Variants in VPS39 observed in about 807,000 individuals in gnomAD.
The protein encoded by VPS39 is vam6/Vps39-like protein.
Under a neutral mutation model 121.0 loss-of-function variants are expected in VPS39, and 70 were observed. That is an observed-to-expected ratio of 0.58 (90% CI 0.48 to 0.71). The LOEUF (loss-of-function observed/expected upper bound fraction) is 0.71. VPS39 is among the 30% of genes least tolerant of loss of function. The pLI is 0.00. For synonymous variants in VPS39, 378 were observed against 398.1 expected, an observed-to-expected ratio of 0.95 and a Z score of 0.60; for missense variants, 818 against 1,051.5, an observed-to-expected ratio of 0.78 and a Z score of 3.07.
intron 1 of VPS39, among the ~76,000 whole-genome samples, chr15:42,205,348 T>C (rs1343037981): frequency 6.6e-6 from 1 of 152,114 alleles, no homozygotes; most frequent in Non-Finnish European, 1.5e-5. Flanking sequence ...CTCTTTTATA[T>C]AGGATACACA....
At chr15:42,204,385 C>T (rs2050126306) in intron 1 of VPS39, among the ~76,000 whole-genome samples, 1 of 152,226 alleles carries the variant, frequency 6.6e-6, no homozygotes. Context: ...CAAAGTGGCT[C>T]ACGCCTGTAA....
At chr15:42,165,466 TC>T in intron 17 of VPS39, 1 of 480,534 alleles carries the variant, frequency 2.1e-6, no homozygotes, top group Non-Finnish European at 3.7e-6. Flanking sequence ...GAATTTTTTT[TC>T]CAAATGTGGC....
chr15:42,176,838 A>G (rs765832520), intron 10 of VPS39, among the ~76,000 whole-genome samples: 46 of 152,136 alleles, frequency 3.0e-4, no homozygotes, highest in Admixed American at 6.6e-4. Flanking sequence ...TTTTATTACT[A>G]TTATCTTCAT....
intron 8 of VPS39, among the ~76,000 whole-genome samples, chr15:42,180,940 G>A (rs1452823330): frequency 6.6e-6 from 1 of 152,116 alleles, no homozygotes; most frequent in Non-Finnish European, 1.5e-5. Context: ...TGGTGCGGCC[G>A]CTATGGAAAA....
intron 8 of VPS39, among the ~76,000 whole-genome samples, chr15:42,179,823 T>C (rs1224235907): frequency 6.6e-6 from 1 of 152,082 alleles, no homozygotes; most frequent in African/African-American, 2.4e-5. Context: ...CCCCAACTTA[T>C]GCATTGGACA....
intron 12 of VPS39, among the ~76,000 whole-genome samples, chr15:42,169,130 TAAGG>T (rs1468193880): frequency 6.6e-6 from 1 of 152,246 alleles, no homozygotes; most frequent in Admixed American, 6.5e-5. Flanking sequence ...CATTTATTGA[TAAGG>T]AAGTACTTTC....
intron 2 of VPS39, among the ~76,000 whole-genome samples, chr15:42,192,787 G>T (rs912036899): frequency 1.3e-5 from 2 of 149,998 alleles, no homozygotes; most frequent in Non-Finnish European, 3.0e-5. Context: ...GTTTTGTTTT[G>T]TTTTTTTTTG....
chr15:42,179,569 C>T (rs575492676), intron 8 of VPS39, among the ~76,000 whole-genome samples: 121 of 134,954 alleles, frequency 9.0e-4, no homozygotes, highest in African/African-American at 3.2e-3. Flanking sequence ...GAGCAAGACT[C>T]CATCTCAATA....
intron 5 of VPS39, among the ~76,000 whole-genome samples, 158 bp downstream of exon 5, chr15:42,188,956 A>T (rs181680153): frequency 3.0e-4 from 45 of 152,082 alleles, no homozygotes; most frequent in Admixed American, 1.7e-3. Context: ...ACAGAACAAG[A>T]CTCCATCTCA....
intron 7 of VPS39, 28 bp downstream of exon 7, chr15:42,187,243 T>C (rs757664741): frequency 1.3e-6 from 2 of 1,559,436 alleles, no homozygotes; most frequent in African/African-American, 1.4e-5. Flanking sequence ...GATAAACTAA[T>C]GATATTTGCA....
chr15:42,161,882 T>C, intron 23 of VPS39, 109 bp from the exon 24 acceptor site: 1 of 1,589,054 alleles, frequency 6.3e-7, no homozygotes, highest in South Asian at 1.1e-5. Context: ...TTCTTCTGCT[T>C]AGAACATTGG....
Position 42,172,573 on chromosome 15 carries a change from T to C in VPS39, c.1090+1150A>G, listed in dbSNP as rs144018684. Among the ~76,000 whole-genome samples the C allele has an allele frequency of 7.9e-5, 12 of 152,312 alleles. No individual in the cohort carries two copies. The East Asian group carries it at 2.3e-3, about 29-fold the overall frequency. ...ACGTAGCATTAGACAGCTAATACAC[T>C]AGCAGAGGGCAATTTTTATCAAGGA... On this transcript the variant is annotated intron_variant, in intron 11 of 24. Coordinates refer to ENST00000318006, the MANE Select transcript of VPS39 (RefSeq NM_015289.5).
rs745526169 is a variant in VPS39 at position 42,162,400 on chromosome 15, G to C, written c.2257C>G (p.Pro753Ala). 1.2e-6 allele frequency: 2 copies of C among 1,613,810 alleles called. No homozygotes were observed. The highest frequency in any genetic ancestry group is 1.7e-6 in the Non-Finnish European group (2 of 1,179,924). The change falls in exon 22 of 25, where the codon CCA becomes GCA. Residue 753 changes from proline (P) to alanine (A), a missense_variant. By Grantham distance (27) the Pro-to-Ala change is conservative (BLOSUM62 -1). Transcript: ENST00000318006. The stretch of plus-strand genomic sequence containing the variant: ...AGAGCGGCCTGGAGGTTGGCTTTTG[G>C]CTCCAGTAGTTCCAGCTTGATTGGC... ...LGPIKLELLEPKANLQAALQV... is the reference protein window; with the variant it reads ...LGPIKLELLEAKANLQAALQV...
chr15:42,191,696 T>A, intron 2 of VPS39, 136 bp from the exon 3 acceptor site: 1 of 749,492 alleles, frequency 1.3e-6, no homozygotes, highest in East Asian at 2.7e-5. Flanking sequence ...ATCAGAGATC[T>A]AAATAGCCAG....
chr15:42,186,624 A>G (rs1012605345), intron 7 of VPS39, among the ~76,000 whole-genome samples: 7 of 152,230 alleles, frequency 4.6e-5, no homozygotes, highest in African/African-American at 1.4e-4. Flanking sequence ...AACGTCATGG[A>G]TATTTACAAC....
chr15:42,162,515 G>A, intron 21 of VPS39, 34 bp from the exon 22 acceptor site: 2 of 1,561,886 alleles, frequency 1.3e-6, no homozygotes, highest in Non-Finnish European at 1.7e-6. Flanking sequence ...CGTCAGGCTG[G>A]CAGCAACCCT....
At chr15:42,169,641 G>A (rs1233168985) in intron 12 of VPS39, 83 bp downstream of exon 12, 12 of 1,449,478 alleles carry the variant, frequency 8.3e-6, no homozygotes, top group Admixed American at 1.9e-5. Flanking sequence ...TGGCATTAGA[G>A]AAGGCCCTCA....
intron 2 of VPS39, among the ~76,000 whole-genome samples, chr15:42,198,043 TTAAC>T (rs2049981046): frequency 6.6e-6 from 1 of 152,130 alleles, no homozygotes; most frequent in Admixed American, 6.5e-5. Flanking sequence ...CCCAGGAACA[TTAAC>T]TAATTTGTCA....
chr15:42,189,192 G>A lies in VPS39; in HGVS notation c.264C>T (p.Val88=), dbSNP rs766962347. 3.7e-6 allele frequency: 6 copies of A among 1,613,102 alleles called. No individual in the cohort carries two copies. Among genetic ancestry groups the A allele is most frequent in the Admixed American group, 3.3e-5 (2 of 59,992 alleles). Residue 88 remains valine, a synonymous_variant, in exon 5 of 25, where the codon GTC becomes GTT. Transcript: ENST00000318006. ...TTTGTTGAAATGTCAATAGGTCATG[G>A]ACATAAATGTTATTTTCTGTTTGGG... The part of the protein sequence containing the change: ...LVSLLENNIY[V]HDLLTFQQIT...
Sources: allele counts gnomAD v4.1 joint callset (sites outside exome capture counted in the v4.1 genomes callset), GRCh38; gene constraint gnomAD v4.1.1; transcripts MANE v1.5; gene names NCBI Gene and HGNC (gene_info 2026-07-23, HGNC 2026-07-21).